LRRC4C: variants seen among roughly 807,000 people sequenced by gnomAD.
LRRC4C encodes leucine rich repeat containing 4C.
LRRC4C carries 5 observed loss-of-function variants against 33.6 expected under a neutral mutation model. The ratio of observed to expected loss-of-function variants is 0.15; its 90% confidence interval spans 0.08 to 0.31. The LOEUF is 0.31. Ranked by LOEUF, LRRC4C falls within the 10% of genes least tolerant of loss-of-function variation. LRRC4C has a pLI of 1.00. For missense variants in LRRC4C, 560 were observed against 796.7 expected (o/e 0.70, Z 3.58); for synonymous variants, 329 against 302.0 (o/e 1.09, Z -0.93).
chr11:41,143,821 G>A (rs10768668), intron 1 of LRRC4C, among the ~76,000 whole-genome samples: 30,487 of 152,130 alleles, frequency 0.2, 3,512 homozygotes, highest in Admixed American at 0.38. Flanking sequence ...AACACTAATT[G>A]AGAGGCAAGA....
At chr11:40,865,810 A>G (rs1239031826) in intron 2 of LRRC4C, among the ~76,000 whole-genome samples, 1 of 152,012 alleles carries the variant, frequency 6.6e-6, no homozygotes, top group African/African-American at 2.4e-5. Context: ...CAAATAAAAG[A>G]TTAAACTGCA....
intron 3 of LRRC4C, among the ~76,000 whole-genome samples, chr11:40,632,896 C>G (rs1045691796): frequency 6.6e-6 from 1 of 152,090 alleles, no homozygotes; most frequent in East Asian, 1.9e-4. Context: ...TCAAAGGTAA[C>G]AAATGTTATG....
intron 1 of LRRC4C, among the ~76,000 whole-genome samples, chr11:41,373,171 C>G (rs941184295): frequency 6.6e-6 from 1 of 151,910 alleles, no homozygotes; most frequent in African/African-American, 2.4e-5. Flanking sequence ...TGGGCTTAGA[C>G]CCAGTTTGCA....
chr11:40,516,593 C>A (rs978711775), intron 3 of LRRC4C, among the ~76,000 whole-genome samples: 1 of 152,040 alleles, frequency 6.6e-6, no homozygotes, highest in African/African-American at 2.4e-5. Context: ...AGGCACATGG[C>A]TAGGGAATAT....
At chr11:40,364,699 C>T (rs1125206) in intron 3 of LRRC4C, among the ~76,000 whole-genome samples, 78,083 of 151,678 alleles carry the variant, frequency 0.51, 20,440 homozygotes, top group East Asian at 0.8. Flanking sequence ...AGCCTTCTGA[C>T]TGAAGAAGCT....
At chr11:40,277,646 C>T (rs1943207806) in intron 4 of LRRC4C, among the ~76,000 whole-genome samples, 1 of 151,900 alleles carries the variant, frequency 6.6e-6, no homozygotes, top group Non-Finnish European at 1.5e-5. Context: ...CTGGCTTGAC[C>T]AAGGGTTCAA....
At chr11:41,104,720 T>A (rs892291270) in intron 1 of LRRC4C, among the ~76,000 whole-genome samples, 6 of 151,800 alleles carry the variant, frequency 4.0e-5, no homozygotes, top group Non-Finnish European at 2.9e-5. Flanking sequence ...AAAATATAGA[T>A]AAACTGTTGA....
At chr11:41,257,665 G>T (rs1397720549) in intron 1 of LRRC4C, among the ~76,000 whole-genome samples, 1 of 152,028 alleles carries the variant, frequency 6.6e-6, no homozygotes, top group Non-Finnish European at 1.5e-5. Context: ...AGGTCACCAG[G>T]GGGCAAAGGA....
intron 3 of LRRC4C, among the ~76,000 whole-genome samples, chr11:40,618,613 A>G (rs1051505654): frequency 1.3e-5 from 2 of 151,810 alleles, no homozygotes; most frequent in Admixed American, 1.3e-4. Flanking sequence ...GTCTGAAGCC[A>G]GAGAGAGCCC....
At position 41,005,468 on chromosome 11, in the gene LRRC4C, G is replaced by T. The variant is rs551578397; in HGVS notation, c.-495-71745C>A. 4.5e-3 allele frequency among the ~76,000 whole-genome samples: 689 copies of T among 152,246 alleles called. 4 individuals are homozygous for T. The highest frequency in any genetic ancestry group is 0.016 in the African/African-American group (648 of 41,554). ...AAAATACAAAAATTAGCCGGGCGTG[G>T]TGGCACATGCCTGTAATCCCAGCTG... On this transcript the variant is annotated intron_variant, in intron 1 of 6. Coordinates refer to ENST00000528697, the MANE Select transcript of LRRC4C (RefSeq NM_001258419.2).
At chr11:41,407,173 T>G (rs1211971462) in intron 1 of LRRC4C, among the ~76,000 whole-genome samples, 1 of 152,190 alleles carries the variant, frequency 6.6e-6, no homozygotes, top group East Asian at 1.9e-4. Context: ...GGTACTCTTA[T>G]TGCTATTTGA....
chr11:40,730,624 C>G (rs561923389), intron 2 of LRRC4C, among the ~76,000 whole-genome samples: 11 of 152,106 alleles, frequency 7.2e-5, no homozygotes, highest in Admixed American at 7.2e-4. Flanking sequence ...TCCAACACAT[C>G]GTCTCTTTCA....
rs139070724 is a variant in LRRC4C, at chr11:40,355,251, C to A, written c.-269-35530G>T. Among the ~76,000 whole-genome samples the A allele has an allele frequency of 8.5e-5, 13 of 152,248 alleles. 1 individual carries two copies. In the East Asian group the frequency reaches 2.5e-3, roughly 30 times the overall value. On this transcript the variant is annotated intron_variant, in intron 3 of 6. Transcript: ENST00000528697. Reference sequence around the variant, plus strand: ...CTCTCCTCATGCAAAATGAAGAAGTCTTTCCTGGAGCTGCAAGCTGCACTG... The same window carrying A: ...CTCTCCTCATGCAAAATGAAGAAGTATTTCCTGGAGCTGCAAGCTGCACTG...
At chr11:40,504,581 G>T (rs776461793) in intron 3 of LRRC4C, among the ~76,000 whole-genome samples, 7 of 152,056 alleles carry the variant, frequency 4.6e-5, no homozygotes, top group Non-Finnish European at 8.8e-5. Flanking sequence ...TAAGACTCAT[G>T]GATTTAAGTT....
intron 1 of LRRC4C, among the ~76,000 whole-genome samples, chr11:41,256,827 A>T (rs1329572582): frequency 6.6e-6 from 1 of 152,038 alleles, no homozygotes; most frequent in Admixed American, 6.6e-5. Context: ...TAATCAAGAT[A>T]TTGAAGTTCA....
At chr11:40,811,222 G>C (rs1036827736) in intron 2 of LRRC4C, among the ~76,000 whole-genome samples, 1 of 151,902 alleles carries the variant, frequency 6.6e-6, no homozygotes, top group African/African-American at 2.4e-5. Context: ...CCTTCTAAAA[G>C]AGGCCCTCTC....
At chr11:40,466,251 C>G (rs1026436239) in intron 3 of LRRC4C, among the ~76,000 whole-genome samples, 4 of 151,712 alleles carry the variant, frequency 2.6e-5, no homozygotes, top group African/African-American at 9.7e-5. Context: ...AAAAGACATT[C>G]AAAAGTTACA....
At chr11:40,679,642 C>T (rs181313347) in intron 2 of LRRC4C, among the ~76,000 whole-genome samples, 1 of 152,228 alleles carries the variant, frequency 6.6e-6, no homozygotes, top group Non-Finnish European at 1.5e-5. Flanking sequence ...GGTGGAAGCC[C>T]CAAGCCTTGG....
chr11:40,758,005 C>A (rs1391005894), intron 2 of LRRC4C, among the ~76,000 whole-genome samples: 1 of 152,022 alleles, frequency 6.6e-6, no homozygotes, highest in Non-Finnish European at 1.5e-5. Flanking sequence ...CTGATGATGA[C>A]ATCTGGAGAA....
Sources: gnomAD v4.1 joint callset for allele counts (sites outside exome capture counted in the v4.1 genomes callset) on GRCh38, gnomAD v4.1.1 for gene constraint, MANE v1.5 for transcripts, NCBI Gene and HGNC (gene_info 2026-07-23, HGNC 2026-07-21) for gene names.